The following KAT6B variants were observed in gnomAD, a reference collection of about 807,000 sequenced individuals.
KAT6B encodes lysine acetyltransferase 6B.
Under a neutral mutation model 187.5 loss-of-function variants are expected in KAT6B, and 10 were observed. The ratio of observed to expected loss-of-function variants is 0.05; its 90% CI spans 0.03 to 0.09. The LOEUF is 0.09. Ranked by LOEUF, KAT6B falls within the 10% of genes least tolerant of loss-of-function variation. KAT6B has a pLI of 1.00. For missense variants in KAT6B, 1,952 were observed against 2,558.9 expected (o/e 0.76, Z 5.12); for synonymous variants, 861 against 926.8 (o/e 0.93, Z 1.29).
At chr10:74,978,943 A>G (rs1842336309) in intron 9 of KAT6B, among the ~76,000 whole-genome samples, 1 of 152,198 alleles carries the variant, frequency 6.6e-6, no homozygotes, top group African/African-American at 2.4e-5. Flanking sequence ...TTCCTTTGCT[A>G]TATTGTTTCT....
Position 74,979,219 on chromosome 10 carries a change from G to A in KAT6B, c.2116-5G>A, listed in dbSNP as rs773003470. The A allele has an allele frequency of 1.9e-5, 30 of 1,590,848 alleles. No homozygotes were observed. In the South Asian group the frequency reaches 2.9e-4, roughly 15 times the overall value. ...TATTATTTTCCTTTTCTTTCTATTT[G>A]ACAGAAAATAGAGTGTGAGAGTGGG... On this transcript the variant is annotated splice_polypyrimidine_tract_variant and splice_region_variant and intron_variant, in intron 9 of 17. Transcript: ENST00000287239.
chr10:75,029,876 C>G lies in KAT6B; in HGVS notation c.5052C>G (p.Ser1684Arg). ...CAACTGAGAACTACGAAAACCCAAG[C>G]AGCTACGATTCTACTATGGGAGGCA... ...ESTTENYENP[S>R]SYDSTMGGSI... The change falls in exon 18 of 18, where the codon AGC becomes AGG. Residue 1684 changes from serine to arginine, a missense_variant. Coordinates refer to ENST00000287239, the MANE Select transcript of KAT6B (RefSeq NM_012330.4). This position sits in a 1 kb window ranked among gnomAD's most constrained non-coding sequence, Gnocchi z 6.2. 1 of 1,614,220 alleles carries G rather than the reference C, an allele frequency of 6.2e-7. No homozygotes were observed. Among genetic ancestry groups the G allele is most frequent in the Non-Finnish European group, 8.5e-7 (1 of 1,180,044 alleles).
At chr10:74,944,872 C>G (rs1004328222) in intron 3 of KAT6B, among the ~76,000 whole-genome samples, 7 of 139,858 alleles carry the variant, frequency 5.0e-5, no homozygotes, top group Non-Finnish European at 7.7e-5. Context: ...CACTTCCATA[C>G]ACTCGAATGG....
Position 75,029,329 on chromosome 10 carries a change from C to G in KAT6B, c.4505C>G (p.Ser1502Cys). The G allele has an allele frequency of 6.2e-7, 1 of 1,614,100 alleles. No homozygotes were observed. The highest frequency in any genetic ancestry group is 8.5e-7 in the Non-Finnish European group (1 of 1,180,024). Reference sequence around the variant, plus strand: ...GGGGACCCTGAAGCTGTACCCGAATCTGACGAGGAGCCACCCCCAGGAGAA... The same window carrying G: ...GGGGACCCTGAAGCTGTACCCGAATGTGACGAGGAGCCACCCCCAGGAGAA... ...LAGDPEAVPE[S>C]DEEPPPGEQA... Residue 1502 changes from serine (S) to cysteine (C), a missense_variant, in exon 18 of 18, where the codon TCT becomes TGT. By Grantham distance (112) the Ser-to-Cys change is moderately radical. This residue lies in a region of KAT6B where 758 missense variants were observed against 891.4 expected (regional missense o/e 0.85). Transcript: ENST00000287239. This position sits in a 1 kb window ranked among gnomAD's most constrained non-coding sequence, Gnocchi z 6.2.
At chr10:74,911,449 G>A (rs948857406) in intron 3 of KAT6B, among the ~76,000 whole-genome samples, 7 of 151,848 alleles carry the variant, frequency 4.6e-5, no homozygotes, top group African/African-American at 1.7e-4. Context: ...TGTATTTTTA[G>A]TAGAGACAGG....
At chr10:74,899,086 A>G (rs1846195420) in intron 3 of KAT6B, among the ~76,000 whole-genome samples, 1 of 150,958 alleles carries the variant, frequency 6.6e-6, no homozygotes, top group Non-Finnish European at 1.5e-5. Context: ...GCTTGAACCC[A>G]AGAGGCGGAG....
rs1841824190 is a variant in KAT6B at position 74,842,592 on chromosome 10, C to A, written c.-258-8C>A. On this transcript the variant is annotated splice_polypyrimidine_tract_variant and splice_region_variant and intron_variant, in intron 2 of 17. Coordinates refer to ENST00000287239, the MANE Select transcript of KAT6B (RefSeq NM_012330.4). Reference sequence around the variant, plus strand: ...TTAAGAGACTTTCCCCTCTTTTTATCCTTTAAGGTCTTGATTTCCCAGTTA... The same window carrying A: ...TTAAGAGACTTTCCCCTCTTTTTATACTTTAAGGTCTTGATTTCCCAGTTA... The A allele has an allele frequency of 5.0e-6, 3 of 595,234 alleles. No individual in the cohort carries two copies. Among genetic ancestry groups the A allele is most frequent in the Non-Finnish European group, 8.9e-6 (3 of 336,686 alleles). The allele number at this position is 595,234 out of a possible 1,614,324, so 36.9% of individuals were successfully genotyped here.
intron 3 of KAT6B, among the ~76,000 whole-genome samples, chr10:74,872,325 G>A (rs550256162): frequency 1.4e-4 from 22 of 152,320 alleles, no homozygotes; most frequent in Non-Finnish European, 2.8e-4. Flanking sequence ...CTGCAGTAGC[G>A]TGGGCTCAGC....
intron 4 of KAT6B, among the ~76,000 whole-genome samples, chr10:74,962,361 AC>A (rs565559968): frequency 7.2e-5 from 11 of 152,332 alleles, no homozygotes; most frequent in African/African-American, 2.4e-4. Context: ...GCATACCTCA[AC>A]AGTGTCCTCA....
chr10:74,935,298 C>T (rs72803429), intron 3 of KAT6B, among the ~76,000 whole-genome samples: 2 of 151,920 alleles, frequency 1.3e-5, no homozygotes, highest in African/African-American at 2.4e-5. Flanking sequence ...TATATACACA[C>T]ATCTGTGTAC....
At chr10:75,020,415 C>T (rs1001365993) in intron 13 of KAT6B, among the ~76,000 whole-genome samples, 167 bp from the exon 14 acceptor site, 4 of 152,188 alleles carry the variant, frequency 2.6e-5, no homozygotes, top group Admixed American at 1.3e-4. Flanking sequence ...GTAAACTTCA[C>T]GGAGATCAAA....
intron 4 of KAT6B, among the ~76,000 whole-genome samples, chr10:74,969,160 G>T (rs1841687289): frequency 6.6e-6 from 1 of 152,178 alleles, no homozygotes; most frequent in Admixed American, 6.5e-5. Context: ...GTGTGCTATT[G>T]GATTTGGGTG....
At chr10:74,891,276 C>T (rs141204934) in intron 3 of KAT6B, among the ~76,000 whole-genome samples, 1 of 152,354 alleles carries the variant, frequency 6.6e-6, no homozygotes, top group East Asian at 1.9e-4. Context: ...GGCAGGAAGC[C>T]TTCAGTCAAC....
intron 3 of KAT6B, among the ~76,000 whole-genome samples, chr10:74,844,961 A>G (rs762320605): frequency 7.2e-5 from 11 of 152,210 alleles, no homozygotes; most frequent in Non-Finnish European, 1.5e-4. Flanking sequence ...TCCTGCCTGT[A>G]GTCCCAGCAC....
chr10:74,882,443 G>A (rs764090507), intron 3 of KAT6B, among the ~76,000 whole-genome samples: 5 of 152,162 alleles, frequency 3.3e-5, no homozygotes, highest in African/African-American at 7.2e-5. Context: ...AAAGAAATGT[G>A]ACATTTGGAC....
At chr10:74,977,011 A>G (rs1842204955) in intron 8 of KAT6B, 1 of 327,828 alleles carries the variant, frequency 3.1e-6, no homozygotes, top group African/African-American at 2.1e-5. Context: ...ATAACTAGAC[A>G]TCGATAAAAC....
intron 3 of KAT6B, among the ~76,000 whole-genome samples, chr10:74,885,992 A>G (rs1369816900): frequency 1.3e-5 from 2 of 152,104 alleles, no homozygotes; most frequent in Non-Finnish European, 2.9e-5. Context: ...TGGCCTCCCA[A>G]TGTCCTGGGA....
chr10:74,898,773 A>T (rs542378430), intron 3 of KAT6B, among the ~76,000 whole-genome samples: 16 of 152,034 alleles, frequency 1.1e-4, no homozygotes, highest in South Asian at 2.1e-4. Flanking sequence ...CTGTGCTTAC[A>T]GTCACCTTCA....
intron 3 of KAT6B, among the ~76,000 whole-genome samples, chr10:74,903,272 G>T (rs1846527594): frequency 6.6e-6 from 1 of 152,170 alleles, no homozygotes; most frequent in South Asian, 2.1e-4. Flanking sequence ...TCCCCTTTGA[G>T]TATAGGTGGA....
Sources: gnomAD v4.1 joint callset for allele counts (sites outside exome capture counted in the v4.1 genomes callset) on GRCh38, gnomAD v4.1.1 for gene constraint, gnomAD v4.1.1 regional missense constraint, Gnocchi (gnomAD v3.1) non-coding constraint, MANE v1.5 for transcripts, NCBI Gene and HGNC (gene_info 2026-07-23, HGNC 2026-07-21) for gene names.